FOCAD: variants seen among roughly 807,000 people sequenced by gnomAD.
FOCAD encodes KIAA1797.
In FOCAD, 198 loss-of-function variants were observed where a neutral mutation model predicts 225.6. The ratio of observed to expected loss-of-function variants is 0.88; its 90% CI spans 0.78 to 0.99. The LOEUF (loss-of-function observed/expected upper bound fraction) is 0.99, where lower values mean the gene tolerates loss of function less well. Ranked by LOEUF, FOCAD falls within the 50% of genes least tolerant of loss-of-function variation. FOCAD has a pLI of 0.00. For missense variants in FOCAD, 2,713 were observed against 2,123.6 expected, an observed-to-expected ratio of 1.28 and a Z score of -5.46; for synonymous variants, 897 against 755.0, an observed-to-expected ratio of 1.19 and a Z score of -3.08.
upstream of FOCAD, among the ~76,000 whole-genome samples, chr9:20,682,442 C>T (rs1040447182): frequency 2.0e-5 from 3 of 152,170 alleles, no homozygotes; most frequent in African/African-American, 7.2e-5. Context: ...CAAGATGCTT[C>T]ACTTGCTGTA....
intron 15 of FOCAD, among the ~76,000 whole-genome samples, chr9:20,848,368 T>C (rs904828791): frequency 2.0e-5 from 3 of 152,078 alleles, no homozygotes; most frequent in Non-Finnish European, 4.4e-5. Flanking sequence ...AATAGAGGTC[T>C]CATGGCCTAC....
At chr9:20,837,502 A>G (rs565817735) in intron 15 of FOCAD, among the ~76,000 whole-genome samples, 29 of 151,950 alleles carry the variant, frequency 1.9e-4, no homozygotes, top group Non-Finnish European at 3.8e-4. Context: ...CTACCATTCC[A>G]GTGAATAAAA....
At chr9:20,932,470 T>C (rs1835573645) in intron 27 of FOCAD, among the ~76,000 whole-genome samples, 2 of 152,168 alleles carry the variant, frequency 1.3e-5, no homozygotes, top group African/African-American at 4.8e-5. Context: ...CCCAGGCATT[T>C]ATAAAATCAT....
At chr9:20,871,240 C>A (rs1829737999) in intron 18 of FOCAD, among the ~76,000 whole-genome samples, 1 of 151,728 alleles carries the variant, frequency 6.6e-6, no homozygotes. Flanking sequence ...TTTTGACTTT[C>A]CATTTAAGTT....
intron 1 of FOCAD, among the ~76,000 whole-genome samples, chr9:20,688,619 G>C (rs1483033728): frequency 1.3e-5 from 2 of 151,980 alleles, no homozygotes; most frequent in African/African-American, 4.8e-5. Context: ...GCCTAAGAGA[G>C]TTTGTAGAAT....
intron 10 of FOCAD, among the ~76,000 whole-genome samples, chr9:20,788,264 C>CCA (rs1587163660): frequency 3.3e-5 from 5 of 152,052 alleles, no homozygotes; most frequent in Admixed American, 2.6e-4. Context: ...CAGTATGGAA[C>CCA]CAGAGTAGAT....
intron 18 of FOCAD, among the ~76,000 whole-genome samples, chr9:20,871,352 G>A (rs983135493): frequency 1.3e-5 from 2 of 150,518 alleles, no homozygotes; most frequent in Non-Finnish European, 3.0e-5. Context: ...TTTTTCTTTT[G>A]CGCCAACCTA....
chr9:20,926,202 C>T (rs1834927934), intron 25 of FOCAD, 99 bp from the exon 26 acceptor site: 1 of 730,154 alleles, frequency 1.4e-6, no homozygotes, highest in Non-Finnish European at 2.3e-6. Context: ...GATAACAGCA[C>T]TTTATTGTTT....
intron 11 of FOCAD, among the ~76,000 whole-genome samples, chr9:20,814,320 C>T (rs542698092): frequency 6.6e-6 from 1 of 151,388 alleles, no homozygotes; most frequent in South Asian, 2.1e-4. Context: ...GATAGTGACA[C>T]TTTGATTCAT....
chr9:20,907,055 C>T, intron 21 of FOCAD, 95 bp from the exon 22 acceptor site: 2 of 935,064 alleles, frequency 2.1e-6, no homozygotes, highest in East Asian at 2.5e-5. Flanking sequence ...GAATCTAAAC[C>T]ACTTAAGGAA....
At chr9:20,748,469 A>C (rs566077856) in intron 5 of FOCAD, among the ~76,000 whole-genome samples, 2 of 152,084 alleles carry the variant, frequency 1.3e-5, no homozygotes, top group African/African-American at 2.4e-5. Context: ...ACTTTCTCCT[A>C]TTATAGAAAA....
intron 5 of FOCAD, among the ~76,000 whole-genome samples, chr9:20,740,623 C>T (rs1469738540): frequency 6.6e-6 from 1 of 152,046 alleles, no homozygotes; most frequent in African/African-American, 2.4e-5. Context: ...GAATATGTAA[C>T]CATCTTCACA....
chr9:20,776,739 G>A (rs1818796450), intron 8 of FOCAD, among the ~76,000 whole-genome samples: 1 of 152,148 alleles, frequency 6.6e-6, no homozygotes, highest in Admixed American at 6.5e-5. Flanking sequence ...TAGCTTGTGT[G>A]AAAAAGGCTT....
intron 29 of FOCAD, among the ~76,000 whole-genome samples, chr9:20,945,144 G>A (rs1353867308): frequency 1.3e-5 from 2 of 152,230 alleles, no homozygotes; most frequent in Non-Finnish European, 2.9e-5. Flanking sequence ...TTCAGAAACT[G>A]CTGATCAAAA....
At chr9:20,966,919 T>C (rs1003117250) in intron 35 of FOCAD, among the ~76,000 whole-genome samples, 2 of 152,122 alleles carry the variant, frequency 1.3e-5, no homozygotes, top group African/African-American at 4.8e-5. Flanking sequence ...CCACGCTGTT[T>C]TGATTACTAT....
chr9:20,911,307 G>A (rs1833418505), intron 22 of FOCAD, among the ~76,000 whole-genome samples: 1 of 152,114 alleles, frequency 6.6e-6, no homozygotes, highest in African/African-American at 2.4e-5. Context: ...ATCTCAGAGT[G>A]CCTGAACTGG....
At chr9:20,741,834 A>G (rs1008081283) in intron 5 of FOCAD, among the ~76,000 whole-genome samples, 5 of 152,168 alleles carry the variant, frequency 3.3e-5, no homozygotes, top group African/African-American at 9.7e-5. Context: ...TTAAAAAGAA[A>G]TTCAAACTCT....
intron 21 of FOCAD, among the ~76,000 whole-genome samples, chr9:20,894,527 G>T (rs994071928): frequency 6.6e-6 from 1 of 152,036 alleles, no homozygotes; most frequent in Non-Finnish European, 1.5e-5. Flanking sequence ...AATTGGTGTT[G>T]TGGTCTGGAT....
chr9:20,981,715 A>AATG, intron 38 of FOCAD, 29 bp downstream of exon 38: 1 of 1,586,452 alleles, frequency 6.3e-7, no homozygotes, highest in African/African-American at 1.4e-5. Flanking sequence ...TACATTCCTG[A>AATG]CAATTTATGT....
Sources: allele counts gnomAD v4.1 joint callset (sites outside exome capture counted in the v4.1 genomes callset), GRCh38; gene constraint gnomAD v4.1.1; transcripts MANE v1.5; gene names NCBI Gene and HGNC (gene_info 2026-07-23, HGNC 2026-07-21).